Variants in ENOX1 observed in about 807,000 individuals in gnomAD.
ENOX1 encodes the protein candidate growth-related and time keeping constitutive hydroquinone (NADH) oxidase.
A neutral mutation model predicts 82.5 loss-of-function variants in ENOX1; 42 were observed. The ratio of observed to expected loss-of-function variants is 0.51; its 90% confidence interval spans 0.40 to 0.66. ENOX1 has a LOEUF of 0.66. Among genes scored for constraint, ENOX1 ranks in the 30% least tolerant of loss-of-function variants. The probability of loss-of-function intolerance (pLI) is 0.00; values close to 1 mark genes in which losing one functional copy is unlikely to be tolerated. For missense variants in ENOX1, 608 were observed against 811.6 expected (o/e 0.75, Z 3.05); for synonymous variants, 271 against 282.2 (o/e 0.96, Z 0.40).
intron 1 of ENOX1, among the ~76,000 whole-genome samples, chr13:43,716,864 C>A (rs1400537494): frequency 2.0e-5 from 3 of 150,564 alleles, no homozygotes; most frequent in African/African-American, 4.9e-5. Flanking sequence ...AACTACAAAA[C>A]ACTGCTGAAA....
At chr13:43,482,735 C>G (rs550528881) in intron 3 of ENOX1, among the ~76,000 whole-genome samples, 1 of 152,004 alleles carries the variant, frequency 6.6e-6, no homozygotes, top group Non-Finnish European at 1.5e-5. Context: ...TGGTTTCAGA[C>G]AGTTCACGCA....
intron 1 of ENOX1, among the ~76,000 whole-genome samples, chr13:43,695,135 T>G (rs1339615402): frequency 6.6e-6 from 1 of 151,986 alleles, no homozygotes; most frequent in Non-Finnish European, 1.5e-5. Context: ...GACTTCAATC[T>G]CCTGCAGTCA....
intron 11 of ENOX1, among the ~76,000 whole-genome samples, chr13:43,303,092 G>A (rs370706136): frequency 5.9e-5 from 9 of 152,332 alleles, no homozygotes; most frequent in South Asian, 4.1e-4. Flanking sequence ...CTGGAAGGAC[G>A]CTGCTGAACT....
At chr13:43,705,858 A>T (rs991637021) in intron 1 of ENOX1, among the ~76,000 whole-genome samples, 1 of 152,170 alleles carries the variant, frequency 6.6e-6, no homozygotes, top group African/African-American at 2.4e-5. Context: ...AGCAAAATTC[A>T]TATAGTACAC....
chr13:43,361,003 C>T (rs1469316895), intron 6 of ENOX1, among the ~76,000 whole-genome samples: 4 of 152,194 alleles, frequency 2.6e-5, no homozygotes, highest in African/African-American at 9.7e-5. Context: ...CTCCGGCAAA[C>T]ACTAGGCTTC....
chr13:43,716,120 A>G (rs1260839778), intron 1 of ENOX1, among the ~76,000 whole-genome samples: 1 of 152,170 alleles, frequency 6.6e-6, no homozygotes, highest in African/African-American at 2.4e-5. Context: ...GTTCCTTTGA[A>G]GGAGGAGAGG....
chr13:43,618,779 G>T (rs970259051), intron 2 of ENOX1, among the ~76,000 whole-genome samples: 1 of 151,954 alleles, frequency 6.6e-6, no homozygotes, highest in Non-Finnish European at 1.5e-5. Context: ...GAAGAATGAT[G>T]GTGGTATTTT....
chr13:43,667,637 C>T (rs1032520), intron 1 of ENOX1, 93 bp from the exon 2 acceptor site: 32,396 of 319,984 alleles, frequency 0.1, 2,394 homozygotes, highest in East Asian at 0.32. Context: ...TGCAAGGTTT[C>T]GCCTGCAAAG....
At chr13:43,289,059 C>G (rs1012053122) in intron 12 of ENOX1, among the ~76,000 whole-genome samples, 2 of 152,048 alleles carry the variant, frequency 1.3e-5, no homozygotes, top group South Asian at 2.1e-4. Flanking sequence ...ACTGCTAAAA[C>G]AAATCAGAGA....
At chr13:43,557,175 T>C (rs993144862) in intron 2 of ENOX1, among the ~76,000 whole-genome samples, 1 of 151,986 alleles carries the variant, frequency 6.6e-6, no homozygotes, top group Non-Finnish European at 1.5e-5. Context: ...GGGAGAAAAA[T>C]AGAGAGTCAG....
At chr13:43,562,202 A>C (rs2079710166) in intron 2 of ENOX1, among the ~76,000 whole-genome samples, 3 of 152,132 alleles carry the variant, frequency 2.0e-5, no homozygotes, top group Non-Finnish European at 2.9e-5. Context: ...ATAACATATA[A>C]ATAGAAACAA....
chr13:43,285,447 T>C (rs2045637719), intron 12 of ENOX1, among the ~76,000 whole-genome samples: 1 of 152,170 alleles, frequency 6.6e-6, no homozygotes. Flanking sequence ...TAAATTCTTT[T>C]GTAAAATGAA....
intron 1 of ENOX1, among the ~76,000 whole-genome samples, chr13:43,693,806 T>C (rs1024492846): frequency 7.9e-5 from 12 of 152,116 alleles, no homozygotes; most frequent in African/African-American, 2.9e-4. Flanking sequence ...CAGAAGGGTA[T>C]CAGTAACATA....
At chr13:43,308,433 G>A (rs1292579204) in intron 11 of ENOX1, among the ~76,000 whole-genome samples, 1 of 151,958 alleles carries the variant, frequency 6.6e-6, no homozygotes, top group African/African-American at 2.4e-5. Flanking sequence ...CCACCTAATA[G>A]GTGGGAAAAG....
At chr13:43,715,787 G>A (rs946142719) in intron 1 of ENOX1, among the ~76,000 whole-genome samples, 2 of 151,830 alleles carry the variant, frequency 1.3e-5, no homozygotes, top group Non-Finnish European at 1.5e-5. Context: ...CATTCTTCAC[G>A]TAGTTCTCGA....
intron 3 of ENOX1, among the ~76,000 whole-genome samples, chr13:43,439,041 C>CTTTT (rs61212622): frequency 0.014 from 1,678 of 120,110 alleles, 69 homozygotes; most frequent in African/African-American, 0.049. Flanking sequence ...GTCTTTTAAT[C>CTTTT]TTTTTTTTTT....
chr13:43,393,637 A>G (rs2052944849), intron 5 of ENOX1, among the ~76,000 whole-genome samples: 1 of 152,196 alleles, frequency 6.6e-6, no homozygotes, highest in South Asian at 2.1e-4. Context: ...TACAGCATAA[A>G]GAGAGGATGA....
chr13:43,759,218 T>C (rs1442893032), intron 1 of ENOX1, among the ~76,000 whole-genome samples: 1 of 148,962 alleles, frequency 6.7e-6, no homozygotes, highest in African/African-American at 2.5e-5. Flanking sequence ...TGCCTGAGCC[T>C]CCTAAATAGC....
At chr13:43,607,518 G>C (rs896851992) in intron 2 of ENOX1, among the ~76,000 whole-genome samples, 2 of 152,102 alleles carry the variant, frequency 1.3e-5, no homozygotes, top group African/African-American at 4.8e-5. Flanking sequence ...TGTTAAGTCT[G>C]GCCATATAGA....
Sources: allele counts gnomAD v4.1 joint callset (sites outside exome capture counted in the v4.1 genomes callset), GRCh38; gene constraint gnomAD v4.1.1; transcripts MANE v1.5; gene names NCBI Gene and HGNC (gene_info 2026-07-23, HGNC 2026-07-21).